ANGEL2: variants seen among roughly 807,000 people sequenced by gnomAD.
ANGEL2 encodes the protein RNA 2',3'-cyclic phosphatase ANGEL2.
Under a neutral mutation model 66.0 loss-of-function variants are expected in ANGEL2, and 41 were observed. The ratio of observed to expected loss-of-function variants is 0.62; its 90% CI spans 0.48 to 0.81. The LOEUF (loss-of-function observed/expected upper bound fraction) is 0.81. Among genes scored for constraint, ANGEL2 ranks in the 30% least tolerant of loss-of-function variants. The probability of loss-of-function intolerance (pLI) is 0.00; values close to 1 mark genes in which losing one functional copy is unlikely to be tolerated. For missense variants in ANGEL2, 561 were observed against 641.6 expected, an observed-to-expected ratio of 0.87 and a Z score of 1.36; for synonymous variants, 208 against 226.5, an observed-to-expected ratio of 0.92 and a Z score of 0.73.
chr1:213,006,358 G>A (rs1191598027), intron 4 of ANGEL2, among the ~76,000 whole-genome samples: 4 of 151,898 alleles, frequency 2.6e-5, no homozygotes, highest in African/African-American at 9.7e-5. Flanking sequence ...CAGCTACTAG[G>A]GAGCCTGAGG....
intron 4 of ANGEL2, chr1:213,006,433 C>T (rs916281974): frequency 1.3e-5 from 2 of 149,116 alleles, no homozygotes; most frequent in Non-Finnish European, 3.0e-5. Context: ...CACTACACTC[C>T]AGCCTGGGCA....
intron 2 of ANGEL2, chr1:213,011,579 C>A: frequency 1.8e-6 from 1 of 569,118 alleles, no homozygotes; most frequent in Non-Finnish European, 2.3e-6. Flanking sequence ...ACTATGAAGC[C>A]AACAGTGTGT....
chr1:213,014,493 T>A (rs2076587565), intron 1 of ANGEL2, among the ~76,000 whole-genome samples: 1 of 152,258 alleles, frequency 6.6e-6, no homozygotes, highest in Non-Finnish European at 1.5e-5. Context: ...ATGGGCATTC[T>A]ACACTGCTTT....
At chr1:213,000,954 A>C in intron 5 of ANGEL2, 42 bp from the exon 6 acceptor site, 1 of 1,591,230 alleles carries the variant, frequency 6.3e-7, no homozygotes, top group Non-Finnish European at 8.5e-7. Context: ...AAAAGATTTT[A>C]AATAGCTTAT....
Position 213,008,410 on chromosome 1 carries a change from T to C in ANGEL2, c.442A>G (p.Ile148Val). The change falls in exon 3 of 9, where the codon ATC (isoleucine) becomes GTC (valine). Residue 148 changes from isoleucine (I) to valine (V), a missense_variant. Ile to Val is a conservative substitution (Grantham distance 29). Coordinates refer to ENST00000366962, the MANE Select transcript of ANGEL2 (RefSeq NM_144567.5). ...GGATCAACATTTTTGTCTCCTAGGA[T>C]CTTCGTTTTTTCTTTATCATGGCTA... ...ICSHDKEKTK[I>V]LGDKNVDPKC... The C allele has an allele frequency of 6.2e-7, 1 of 1,614,122 alleles. No individual in the cohort carries two copies. Among genetic ancestry groups the C allele is most frequent in the Non-Finnish European group, 8.5e-7 (1 of 1,180,000 alleles).
chr1:213,006,124 T>C (rs2076318794), intron 4 of ANGEL2, among the ~76,000 whole-genome samples: 1 of 152,110 alleles, frequency 6.6e-6, no homozygotes, highest in African/African-American at 2.4e-5. Context: ...TATATCCTCA[T>C]TCCCTAGAAC....
intron 7 of ANGEL2, 38 bp downstream of exon 7, chr1:213,000,288 A>G: frequency 6.4e-7 from 1 of 1,558,892 alleles, no homozygotes; most frequent in Non-Finnish European, 8.8e-7. Flanking sequence ...TATTCAACTA[A>G]AGTTAGCAAA....
intron 1 of ANGEL2, among the ~76,000 whole-genome samples, chr1:213,013,924 G>A (rs2076572368): frequency 6.6e-6 from 1 of 152,128 alleles, no homozygotes; most frequent in African/African-American, 2.4e-5. Flanking sequence ...GTATAGTTAG[G>A]AAAACAAAAG....
rs755938442 is a variant in ANGEL2, at chr1:212,993,015, T to C, written c.*2026A>G. ...ACTATAATTAATACTGTAATTAAAA[T>C]CCCCCCAAAGGCCAGGCATGGTGGC... On this transcript the variant is annotated 3_prime_UTR_variant, in exon 9 of 9. Transcript: ENST00000366962. The C allele has an allele frequency of 6.6e-6, 1 of 151,966 alleles. No homozygotes were observed. Among genetic ancestry groups the C allele is most frequent in the Non-Finnish European group, 1.5e-5 (1 of 67,986 alleles). 9.4% of individuals were successfully genotyped at this position (151,966 alleles called of 1,614,324 possible).
In ANGEL2 at chr1:213,015,735, G is replaced by T; in HGVS notation, c.-64C>A. ...TTCCACCTCAATCTCTATAATCGAT[G>T]CGACGGCCTAAAGTATCTAGGGAAC... On this transcript the variant is annotated 5_prime_UTR_variant, in exon 1 of 9. Transcript: ENST00000366962. The T allele has an allele frequency of 1.9e-6, 3 of 1,608,954 alleles. No individual in the cohort carries two copies. The highest frequency in any genetic ancestry group is 2.6e-6 in the Non-Finnish European group (3 of 1,175,746).
chr1:212,998,030 G>T (rs572735048), intron 7 of ANGEL2, among the ~76,000 whole-genome samples: 6 of 152,104 alleles, frequency 3.9e-5, no homozygotes, highest in Non-Finnish European at 7.4e-5. Flanking sequence ...AGGAACAAAG[G>T]TAAATCCTTA....
At chr1:212,999,601 A>C (rs897584717) in intron 7 of ANGEL2, among the ~76,000 whole-genome samples, 1 of 152,236 alleles carries the variant, frequency 6.6e-6, no homozygotes, top group African/African-American at 2.4e-5. Flanking sequence ...TTAAATGTTA[A>C]AACAAAAAAC....
At position 213,008,224 on chromosome 1, in the gene ANGEL2, G is replaced by A. The variant is rs1251169845; in HGVS notation, c.628C>T (p.His210Tyr). Residue 210 changes from histidine to tyrosine, a missense_variant, in exon 3 of 9, where the codon CAT becomes TAT. Physicochemically the swap from His to Tyr is moderately conservative, Grantham distance 83. Transcript: ENST00000366962. The stretch of plus-strand genomic sequence containing the variant: ...TTTGCACTTACGTCTGCATCAAAAT[G>A]TTTAATTTCTTTCAGAATATTGGGA... ...RFPNILKEIKHFDADVLCLQE... is the reference protein window; with the variant it reads ...RFPNILKEIKYFDADVLCLQE... 1.2e-6 allele frequency: 2 copies of A among 1,612,756 alleles called. No individual in the cohort carries two copies. The highest frequency in any genetic ancestry group is 1.1e-5 in the South Asian group (1 of 90,752).
intron 2 of ANGEL2, chr1:213,011,305 T>C (rs1045623508): frequency 7.8e-7 from 1 of 1,276,198 alleles, no homozygotes; most frequent in African/African-American, 1.5e-5. Context: ...GGTGCCTAAT[T>C]ACAAAGTCAT....
At chr1:213,013,527 G>A in intron 1 of ANGEL2, 109 bp from the exon 2 acceptor site, 1 of 1,044,806 alleles carries the variant, frequency 9.6e-7, no homozygotes, top group Non-Finnish European at 1.4e-6. Flanking sequence ...TTTAAAATCT[G>A]GCTGCTAAAT....
chr1:213,015,515 G>GGCCCCC, intron 1 of ANGEL2, 98 bp downstream of exon 1: 2 of 1,244,584 alleles, frequency 1.6e-6, no homozygotes, highest in South Asian at 1.5e-5. Flanking sequence ...TCCACCCCTA[G>GGCCCCC]CCCGCCCCGC....
intron 6 of ANGEL2, 150 bp downstream of exon 6, chr1:213,000,636 T>G: frequency 1.1e-6 from 1 of 881,790 alleles, no homozygotes; most frequent in South Asian, 2.4e-5. Flanking sequence ...AAGGTAAATT[T>G]AGAGGTCTTA....
rs1375875267 is a variant in ANGEL2 at position 212,993,484 on chromosome 1, T to C, written c.*1557A>G. On this transcript the variant is annotated 3_prime_UTR_variant, in exon 9 of 9. Transcript: ENST00000366962. The stretch of plus-strand genomic sequence containing the variant: ...TTAGTACAAAGACTTAGTCCAAGAC[T>C]ATTATTGTTTTCCAATTTAAGGTGA... The C allele has an allele frequency of 2.6e-5, 4 of 152,222 alleles. No individual in the cohort carries two copies. The highest frequency in any genetic ancestry group is 5.9e-5 in the Non-Finnish European group (4 of 68,044). The allele number at this position is 152,222 out of a possible 1,614,324, so 9.4% of individuals were successfully genotyped here. A position where few individuals can be genotyped will look rare whatever the true frequency, so the allele number is the denominator to read the frequency against.
At chr1:212,996,169 T>A (rs868595506) in intron 8 of ANGEL2, among the ~76,000 whole-genome samples, 3 of 151,916 alleles carry the variant, frequency 2.0e-5, no homozygotes, top group South Asian at 2.1e-4. Flanking sequence ...TAGCCGGGCA[T>A]GGTGGCGGGC....
Sources: gnomAD v4.1 joint callset for allele counts (sites outside exome capture counted in the v4.1 genomes callset) on GRCh38, gnomAD v4.1.1 for gene constraint, MANE v1.5 for transcripts, NCBI Gene and HGNC (gene_info 2026-07-23, HGNC 2026-07-21) for gene names.